COX7A2L: variants seen among roughly 807,000 people sequenced by gnomAD.
COX7A2L encodes the protein cytochrome c oxidase subunit 7A2 like, also known as cytochrome c oxidase subunit 7A2-like, mitochondrial.
A neutral mutation model predicts 14.2 loss-of-function variants in COX7A2L; 18 were observed. The observed-to-expected ratio is 1.27, with a 90% CI of 0.88 to 1.88. The LOEUF is 1.88. COX7A2L is among the 40% of genes most tolerant of loss of function. The pLI, the probability that COX7A2L is intolerant of heterozygous loss-of-function variation, is 0.00. For missense variants in COX7A2L, 179 were observed against 138.8 expected, an observed-to-expected ratio of 1.29 and a Z score of -1.46; for synonymous variants, 65 against 57.4, an observed-to-expected ratio of 1.13 and a Z score of -0.60.
chr2:42,336,363 C>T (rs1218931698), intron 2 of COX7A2L, among the ~76,000 whole-genome samples: 1 of 152,174 alleles, frequency 6.6e-6, no homozygotes, highest in Non-Finnish European at 1.5e-5. Context: ...CAGTGGGATT[C>T]AACAAAATCG....
intron 2 of COX7A2L, 103 bp downstream of exon 2, chr2:42,353,106 AAAG>A (rs1263188258): frequency 1.5e-6 from 2 of 1,370,870 alleles, no homozygotes; most frequent in African/African-American, 1.5e-5. Flanking sequence ...ACTTAAAGAA[AAAG>A]AAGGAGGGTG....
intron 2 of COX7A2L, 73 bp from the exon 3 acceptor site, chr2:42,351,432 A>C (rs1483779831): frequency 1.3e-6 from 2 of 1,551,756 alleles, no homozygotes; most frequent in Non-Finnish European, 1.8e-6. Context: ...AAAAAATAAC[A>C]AATTTGTCTA....
rs1434651780 is a variant in COX7A2L, at chr2:42,338,504, G to C, written c.193-4635C>G. ...ATGTGGCCTGCCATGTGCTGCCCGT[G>C]AACATCTCCTCACCAGAATCATTAG... On this transcript the variant is annotated intron_variant, in intron 2 of 2. Transcript: ENST00000468711. This position sits in a 1 kb window ranked among gnomAD's most constrained non-coding sequence, Gnocchi z 4.4. 1.3e-5 allele frequency among the ~76,000 whole-genome samples: 2 copies of C among 152,176 alleles called. No homozygotes were observed. The highest frequency in any genetic ancestry group is 2.9e-5 in the Non-Finnish European group (2 of 68,034).
chr2:42,363,725 C>A (rs79265057), upstream of COX7A2L, among the ~76,000 whole-genome samples: 7,682 of 152,286 alleles, frequency 0.05, 240 homozygotes, highest in South Asian at 0.12. Flanking sequence ...TTGCATATCC[C>A]ATCCAACATC....
intron 1 of COX7A2L, among the ~76,000 whole-genome samples, chr2:42,367,816 T>C (rs1447337401): frequency 2.0e-5 from 3 of 152,226 alleles, no homozygotes; most frequent in African/African-American, 7.2e-5. Flanking sequence ...GAGAGCCCAA[T>C]GCAGACAGGA....
Position 42,353,324 on chromosome 2 carries a change from GA to G in COX7A2L, c.91del (p.Ser31ProfsTer15). 1 of 1,613,962 alleles carries G rather than the reference GA, an allele frequency of 6.2e-7. No homozygotes were observed. Among genetic ancestry groups the G allele is most frequent in the Non-Finnish European group, 8.5e-7 (1 of 1,179,936 alleles). On this transcript the variant is annotated frameshift_variant, in exon 2 of 3. Coordinates refer to ENST00000234301, the MANE Select transcript of COX7A2L (RefSeq NM_004718.4). LOFTEE classifies it high-confidence loss of function. ...YSPQGLKPVV[S>X]TEAPPIIFAT... ...AAATATGATAGGTGGTGCTTCTGTGGAAACCACAGGCTTTAATCCCTGTAGA... is the reference window on the plus strand; with the variant it reads ...AAATATGATAGGTGGTGCTTCTGTGGAACCACAGGCTTTAATCCCTGTAGA...
chr2:42,344,744 A>G (rs1431616910), downstream of COX7A2L, among the ~76,000 whole-genome samples: 2 of 151,996 alleles, frequency 1.3e-5, no homozygotes, highest in Non-Finnish European at 2.9e-5. Context: ...CTAGCTACTC[A>G]GGAGCCTGAG....
intron 1 of COX7A2L, 36 bp from the exon 2 acceptor site, chr2:42,353,379 T>G (rs1375574952): frequency 1.9e-6 from 3 of 1,611,130 alleles, no homozygotes; most frequent in Non-Finnish European, 2.5e-6. Context: ...AAGTTGAAAG[T>G]ATGTCTGAGG....
At chr2:42,349,051 C>G (rs957756887), downstream of COX7A2L, among the ~76,000 whole-genome samples, 10 of 152,198 alleles carry the variant, frequency 6.6e-5, no homozygotes, top group Non-Finnish European at 1.5e-4. Context: ...TGGAAACAGT[C>G]TGGCAGTTCC....
chr2:42,353,359 G>A lies in COX7A2L; in HGVS notation c.73-16C>T, dbSNP rs766606080. On this transcript the variant is annotated splice_polypyrimidine_tract_variant and intron_variant, in intron 1 of 2. Coordinates refer to ENST00000234301, the MANE Select transcript of COX7A2L (RefSeq NM_004718.4). The stretch of plus-strand genomic sequence containing the variant: ...GCTTTAATCCCTGTAGAGAAAAAAA[G>A]GAAAATGGCAAGTTGAAAGTATGTC... 129 of 1,611,400 alleles carry A rather than the reference G, an allele frequency of 8.0e-5. No homozygotes were observed. Among genetic ancestry groups the A allele is most frequent in the Non-Finnish European group, 1.1e-4 (127 of 1,179,398 alleles).
intron 1 of COX7A2L, among the ~76,000 whole-genome samples, chr2:42,367,398 T>C (rs1671184935): frequency 6.6e-6 from 1 of 152,154 alleles, no homozygotes; most frequent in African/African-American, 2.4e-5. Context: ...TGCCAAGTGA[T>C]TCCAAAATGG....
chr2:42,336,517 T>A (rs931614979), intron 2 of COX7A2L, among the ~76,000 whole-genome samples: 2 of 152,112 alleles, frequency 1.3e-5, no homozygotes, highest in Non-Finnish European at 2.9e-5. Flanking sequence ...AGCCTGGTCA[T>A]CCCATCTCAT....
intron 2 of COX7A2L, among the ~76,000 whole-genome samples, chr2:42,335,839 C>T (rs1670259285): frequency 6.6e-6 from 1 of 152,204 alleles, no homozygotes. Flanking sequence ...GATGATGAGG[C>T]TTTGGACTTT....
chr2:42,354,258 A>G (rs1670745163), intron 1 of COX7A2L, among the ~76,000 whole-genome samples: 3 of 152,216 alleles, frequency 2.0e-5, no homozygotes, highest in Admixed American at 2.0e-4. Context: ...TTATATCTCA[A>G]TAAAGCTGCT....
At position 42,338,915 on chromosome 2, in the gene COX7A2L, C is replaced by T. The variant is rs905917519; in HGVS notation, c.193-5046G>A. On this transcript the variant is annotated intron_variant, in intron 2 of 2. Transcript: ENST00000468711. This position sits in a 1 kb window ranked among gnomAD's most constrained non-coding sequence, Gnocchi z 4.4. ...AATCCAAAGGGGAGAGACATCCTGG[C>T]GAGCTCAGCACATAAGAGAACGAGA... Among the ~76,000 whole-genome samples the T allele has an allele frequency of 2.0e-5, 3 of 152,288 alleles. No individual in the cohort carries two copies. The highest frequency in any genetic ancestry group is 2.1e-4 in the South Asian group (1 of 4,828).
chr2:42,354,613 A>C (rs1572795076), intron 1 of COX7A2L, among the ~76,000 whole-genome samples: 1 of 152,258 alleles, frequency 6.6e-6, no homozygotes, highest in East Asian at 1.9e-4. Context: ...CCTCAATGCT[A>C]CTCCCACCAG....
chr2:42,358,388 T>C (rs1342013407), intron 1 of COX7A2L, among the ~76,000 whole-genome samples: 2 of 152,232 alleles, frequency 1.3e-5, no homozygotes, highest in East Asian at 1.9e-4. Context: ...ACCTGTGCAA[T>C]TGTTACAGAA....
At position 42,339,155 on chromosome 2, in the gene COX7A2L, A is replaced by G; in HGVS notation, c.193-5286T>C. Among the ~76,000 whole-genome samples the G allele has an allele frequency of 6.6e-6, 1 of 152,194 alleles. No homozygotes were observed. The highest frequency in any genetic ancestry group is 1.9e-4 in the East Asian group (1 of 5,196). ...GAAACTCTCACAATAAAATAGAAGG[A>G]AGTTTTTTTAATCAAATTTTAGTAG... On this transcript the variant is annotated intron_variant, in intron 2 of 2. Coordinates refer to the COX7A2L transcript ENST00000468711. The surrounding 1 kb of genome is among the most constrained non-coding windows in gnomAD (Gnocchi z 5.4).
intron 2 of COX7A2L, among the ~76,000 whole-genome samples, chr2:42,337,416 T>A (rs1050530531): frequency 6.6e-6 from 1 of 151,918 alleles, no homozygotes; most frequent in South Asian, 2.1e-4. Flanking sequence ...ATGACAAAAC[T>A]ACAGAGACAG....
Sources: allele counts gnomAD v4.1 joint callset (sites outside exome capture counted in the v4.1 genomes callset), GRCh38; gene constraint gnomAD v4.1.1; non-coding constraint Gnocchi (gnomAD v3.1); transcripts MANE v1.5; gene names NCBI Gene and HGNC (gene_info 2026-07-23, HGNC 2026-07-21).